The following ZNF486 variants were observed in gnomAD, a reference collection of about 807,000 sequenced individuals.
ZNF486 encodes the protein KRAB box only protein 2.
A neutral mutation model predicts 12.8 loss-of-function variants in ZNF486; 12 were observed. The observed-to-expected ratio is 0.94, with a 90% CI of 0.60 to 1.52. The LOEUF is 1.52. Among genes scored for constraint, ZNF486 ranks in the 40% most tolerant of loss-of-function variants. ZNF486 has a pLI of 0.00. For missense variants in ZNF486, 738 were observed against 545.0 expected (o/e 1.35, Z -3.53); for synonymous variants, 231 against 184.9 (o/e 1.25, Z -2.02).
At chr19:20,193,116 C>G (rs2089918536) in intron 3 of ZNF486, among the ~76,000 whole-genome samples, 1 of 151,924 alleles carries the variant, frequency 6.6e-6, no homozygotes, top group Non-Finnish European at 1.5e-5. Flanking sequence ...TTACATACAT[C>G]TTAAAGTTAA....
chr19:20,191,876 T>C (rs2089906754), intron 3 of ZNF486, among the ~76,000 whole-genome samples: 1 of 152,200 alleles, frequency 6.6e-6, no homozygotes, highest in South Asian at 2.1e-4. Flanking sequence ...TCTCATTTTT[T>C]CTCTGAATTT....
chr19:20,187,508 T>G (rs1373188898), intron 3 of ZNF486, among the ~76,000 whole-genome samples: 4 of 147,970 alleles, frequency 2.7e-5, no homozygotes, highest in Non-Finnish European at 6.0e-5. Context: ...AAGTTTTTTT[T>G]TTTTTTTTTT....
At position 20,199,731 on chromosome 19, in the gene ZNF486, G is replaced by C. The variant is rs2089995900; in HGVS notation, c.*1629G>C. ...CTCCAGGAAAAAAAAAAATTTATTT[G>C]TGTATAACTTTAAAAGCAGATTTTT... On this transcript the variant is annotated 3_prime_UTR_variant, in exon 4 of 4. Coordinates refer to ENST00000335117, the MANE Select transcript of ZNF486 (RefSeq NM_052852.4). 1 of 151,348 alleles carries C rather than the reference G, an allele frequency of 6.6e-6. No individual in the cohort carries two copies. The highest frequency in any genetic ancestry group is 1.5e-5 in the Non-Finnish European group (1 of 67,874). 9.4% of individuals were successfully genotyped at this position (151,348 alleles called of 1,614,324 possible).
rs1241165221 is a variant in ZNF486 at position 20,177,935 on chromosome 19, C to CTTTTTTTTTTTTTTTTTT, written c.31-6412_31-6411insTTTTTTTTTTTTTTTTTT. On this transcript the variant is annotated intron_variant, in intron 1 of 3. Coordinates refer to ENST00000335117, the MANE Select transcript of ZNF486 (RefSeq NM_052852.4). ...TTTTCTGGGGCTGTAAACATTTGTT[C>CTTTTTTTTTTTTTTTTTT]TTTTTTTTTGAGACGAAGTCTCTCA... Among the ~76,000 whole-genome samples, 103 of 145,110 alleles carry CTTTTTTTTTTTTTTTTTT rather than the reference C, an allele frequency of 7.1e-4. 4 individuals carry two copies. The highest frequency in any genetic ancestry group is 2.7e-3 in the African/African-American group (102 of 37,634).
In ZNF486 at chr19:20,191,497, C is replaced by T. The variant is rs183891752; in HGVS notation, c.253+5415C>T. On this transcript the variant is annotated intron_variant, in intron 3 of 3. Transcript: ENST00000335117. Reference sequence around the variant, plus strand: ...AAAAAATTATGCACTCGGCTGGGGGCGGTGGCTCACACCTGTAATCCCAGC... The same window carrying T: ...AAAAAATTATGCACTCGGCTGGGGGTGGTGGCTCACACCTGTAATCCCAGC... Among the ~76,000 whole-genome samples the T allele has an allele frequency of 2.5e-3, 368 of 147,810 alleles. 4 individuals carry two copies. Among genetic ancestry groups the T allele is most frequent in the African/African-American group, 8.7e-3 (346 of 39,754 alleles).
intron 1 of ZNF486, among the ~76,000 whole-genome samples, chr19:20,180,379 GAA>G (rs1457556935): frequency 2.0e-5 from 3 of 152,030 alleles, no homozygotes; most frequent in Non-Finnish European, 4.4e-5. Context: ...AAAAATACGT[GAA>G]GCAGTCATGG....
Position 20,167,334 on chromosome 19 carries a change from C to T in ZNF486, c.4C>T (p.Pro2Ser). ...TATTGGGAGATCCACAGCCAAGATG[C>T]CGGGACCCCTTAGAAGCCTAGAAAT... The part of the protein sequence containing the change: M[P>S]GPLRSLEMES... The change falls in exon 1 of 4, where the codon CCG becomes TCG. Residue 2 changes from proline to serine, a missense_variant. By Grantham distance (74) the Pro-to-Ser change is moderately conservative. Transcript: ENST00000335117. 1 of 1,613,898 alleles carries T rather than the reference C, an allele frequency of 6.2e-7. No individual in the cohort carries two copies. Among genetic ancestry groups the T allele is most frequent in the Non-Finnish European group, 8.5e-7 (1 of 1,179,876 alleles).
chr19:20,188,284 G>A (rs1360016001), intron 3 of ZNF486: 2 of 392,728 alleles, frequency 5.1e-6, no homozygotes, highest in East Asian at 3.6e-5. Flanking sequence ...TGATTTGAAG[G>A]TAATTTTCAA....
intron 3 of ZNF486, among the ~76,000 whole-genome samples, chr19:20,189,055 A>G (rs1381523384): frequency 3.3e-5 from 5 of 152,218 alleles, no homozygotes; most frequent in African/African-American, 1.2e-4. Flanking sequence ...ATTTTCAAAT[A>G]TGTCTTCCAG....
At chr19:20,168,945 G>A (rs540347730) in intron 1 of ZNF486, among the ~76,000 whole-genome samples, 15 of 151,778 alleles carry the variant, frequency 9.9e-5, no homozygotes, top group Admixed American at 2.6e-4. Context: ...GGTTCAAGCA[G>A]TTCTCCTGCC....
rs758376820 is a variant in ZNF486 at position 20,197,045 on chromosome 19, T to C, written c.335T>C (p.Phe112Ser). 5.4e-5 allele frequency: 87 copies of C among 1,610,772 alleles called. 1 individual carries two copies. Among genetic ancestry groups the C allele is most frequent in the Non-Finnish European group, 6.9e-5 (81 of 1,179,324 alleles). Residue 112 changes from phenylalanine to serine, a missense_variant, in exon 4 of 4, where the codon TTT becomes TCT. Coordinates refer to ENST00000335117, the MANE Select transcript of ZNF486 (RefSeq NM_052852.4). ...DSYQKVILRK[F>S]EKCGHGNLHF... ...TACCAAAAAGTGATACTGAGAAAATTTGAAAAATGTGGACATGGCAATTTA... is the reference window on the plus strand; with the variant it reads ...TACCAAAAAGTGATACTGAGAAAATCTGAAAAATGTGGACATGGCAATTTA...
chr19:20,181,455 CGTGAACCCAGGAGGCGGAGCTTGCA>C (rs1210877158), intron 1 of ZNF486, among the ~76,000 whole-genome samples: 15 of 150,868 alleles, frequency 9.9e-5, no homozygotes, highest in African/African-American at 3.4e-4. Flanking sequence ...AGGAGAATGG[CGTGAACCCAGGAGGCGGAGCTTGCA>C]GTGAGCCCAG....
chr19:20,193,218 A>T (rs2089919518), intron 3 of ZNF486, among the ~76,000 whole-genome samples: 1 of 151,722 alleles, frequency 6.6e-6, no homozygotes, highest in South Asian at 2.1e-4. Flanking sequence ...ATTATTTTAT[A>T]TGGTGTATCT....
At chr19:20,186,497 T>G (rs1555716463) in intron 3 of ZNF486, among the ~76,000 whole-genome samples, 1 of 152,142 alleles carries the variant, frequency 6.6e-6, no homozygotes, top group Non-Finnish European at 1.5e-5. Flanking sequence ...TTTGTTGCAT[T>G]TTTTGTTCAT....
chr19:20,192,535 T>C (rs2089912708), intron 3 of ZNF486, among the ~76,000 whole-genome samples: 1 of 152,144 alleles, frequency 6.6e-6, no homozygotes, highest in African/African-American at 2.4e-5. Context: ...CTTAAACTTC[T>C]GACCTCAGGT....
rs2089979269 is a variant in ZNF486 at position 20,198,062 on chromosome 19, A to C, written c.1352A>C (p.Lys451Thr). ...TTTAACTGGTCCTCAGACCTTAATA[A>C]ACATAAGAGAATTCATATTGGACAG... is the stretch of plus-strand genomic sequence containing the variant. ...KAFNWSSDLN[K>T]HKRIHIGQKP... Residue 451 changes from lysine to threonine, a missense_variant, in exon 4 of 4, where the codon AAA becomes ACA. Physicochemically the swap from Lys to Thr is moderately conservative, Grantham distance 78. Coordinates refer to ENST00000335117, the MANE Select transcript of ZNF486 (RefSeq NM_052852.4). 1 of 1,607,348 alleles carries C rather than the reference A, an allele frequency of 6.2e-7. No individual in the cohort carries two copies. The highest frequency in any genetic ancestry group is 2.2e-5 in the East Asian group (1 of 44,654).
At chr19:20,178,707 A>G (rs1470511011) in intron 1 of ZNF486, among the ~76,000 whole-genome samples, 2 of 152,244 alleles carry the variant, frequency 1.3e-5, no homozygotes, top group East Asian at 3.8e-4. Context: ...CTAAATATGC[A>G]GGCAGAATTG....
At position 20,184,383 on chromosome 19, in the gene ZNF486, G is replaced by A. The variant is rs782381407; in HGVS notation, c.58G>A (p.Val20Ile). 5.0e-6 allele frequency: 8 copies of A among 1,613,270 alleles called. No homozygotes were observed. In the African/African-American group the frequency reaches 6.7e-5, roughly 13 times the overall value. Residue 20 changes from valine to isoleucine, a missense_variant, in exon 2 of 4, where the codon GTA becomes ATA. Val to Ile is a conservative substitution (Grantham distance 29). Transcript: ENST00000335117. The part of the protein sequence containing the change: ...MESLQFRDVA[V>I]EFSLEEWHCL... ...ATCATTGCAATTTAGAGATGTGGCT[G>A]TAGAATTCTCTCTGGAGGAGTGGCA... is the stretch of plus-strand genomic sequence containing the variant.
chr19:20,174,554 A>T (rs1555714367), intron 1 of ZNF486, among the ~76,000 whole-genome samples: 1 of 152,038 alleles, frequency 6.6e-6, no homozygotes, highest in Admixed American at 6.6e-5. Context: ...GTTCCTGGCT[A>T]AGTTTTTGTA....
Sources: allele counts gnomAD v4.1 joint callset (sites outside exome capture counted in the v4.1 genomes callset), GRCh38; gene constraint gnomAD v4.1.1; transcripts MANE v1.5; gene names NCBI Gene and HGNC (gene_info 2026-07-23, HGNC 2026-07-21).